NOVA1: variants seen among roughly 807,000 people sequenced by gnomAD.
NOVA1 encodes RNA-binding protein Nova-1.
In NOVA1, 7 loss-of-function variants were observed where a neutral mutation model predicts 38.0. The observed-to-expected ratio is 0.18, with a 90% CI of 0.10 to 0.35. The LOEUF (loss-of-function observed/expected upper bound fraction) is 0.35, where lower values mean the gene tolerates loss of function less well. Ranked by LOEUF, NOVA1 falls within the 10% of genes least tolerant of loss-of-function variation. The probability of loss-of-function intolerance (pLI) is 1.00; values close to 1 mark genes in which losing one functional copy is unlikely to be tolerated. For synonymous variants in NOVA1, 270 were observed against 232.5 expected (o/e 1.16, Z -1.47); for missense variants, 460 against 616.0 (o/e 0.75, Z 2.68).
intron 2 of NOVA1, among the ~76,000 whole-genome samples, chr14:26,535,728 T>A (rs1172663982): frequency 6.6e-6 from 1 of 151,288 alleles, no homozygotes; most frequent in East Asian, 1.9e-4. Context: ...GAGGGCGAGA[T>A]GGGCAGATCA....
intron 4 of NOVA1, 69 bp from the exon 5 acceptor site, chr14:26,449,032 T>G (rs1416284187): frequency 2.9e-6 from 4 of 1,376,438 alleles, no homozygotes; most frequent in African/African-American, 1.4e-5. Context: ...TACTTTGCTA[T>G]CCTAGAAAAG....
intron 2 of NOVA1, among the ~76,000 whole-genome samples, chr14:26,524,860 G>T (rs928196094): frequency 3.9e-5 from 6 of 152,074 alleles, no homozygotes; most frequent in East Asian, 1.9e-4. Context: ...TTTTTTAAAG[G>T]TATCAATATT....
At chr14:26,553,288 C>G (rs1292487323) in intron 2 of NOVA1, among the ~76,000 whole-genome samples, 1 of 152,202 alleles carries the variant, frequency 6.6e-6, no homozygotes, top group East Asian at 1.9e-4. Context: ...GCCAACTCCA[C>G]CTCCATAACT....
intron 2 of NOVA1, among the ~76,000 whole-genome samples, chr14:26,495,872 A>G (rs1363743776): frequency 8.0e-6 from 1 of 124,864 alleles, no homozygotes; most frequent in Non-Finnish European, 1.7e-5. Context: ...TATATGTGCC[A>G]CATTTTCTTA....
chr14:26,467,461 A>G (rs1884237706), intron 4 of NOVA1, among the ~76,000 whole-genome samples: 1 of 152,160 alleles, frequency 6.6e-6, no homozygotes, highest in South Asian at 2.1e-4. Context: ...TAGAGAGTAG[A>G]GATAATACTT....
intron 2 of NOVA1, among the ~76,000 whole-genome samples, chr14:26,586,741 G>A (rs991555950): frequency 1.3e-5 from 2 of 151,074 alleles, no homozygotes; most frequent in Non-Finnish European, 3.0e-5. Flanking sequence ...ATTAAGGAAA[G>A]AGAGAAAATG....
At chr14:26,584,792 C>G (rs1180931172) in intron 2 of NOVA1, among the ~76,000 whole-genome samples, 2 of 151,452 alleles carry the variant, frequency 1.3e-5, no homozygotes, top group Non-Finnish European at 3.0e-5. Flanking sequence ...AATCTAACCC[C>G]TCCTCCCAAG....
intron 2 of NOVA1, among the ~76,000 whole-genome samples, chr14:26,482,156 C>A (rs1025276108): frequency 2.0e-5 from 3 of 152,002 alleles, no homozygotes; most frequent in African/African-American, 7.3e-5. Context: ...ATTACTGAGC[C>A]ATAAAGAATT....
intron 2 of NOVA1, among the ~76,000 whole-genome samples, chr14:26,481,988 T>TAAAAAAAAAAAAA (rs372806170): frequency 3.5e-4 from 37 of 105,942 alleles, no homozygotes; most frequent in African/African-American, 7.6e-4. Context: ...TAGATAGAGA[T>TAAAAAAAAAAAAA]AAAAAAAAAA....
chr14:26,517,383 T>C (rs1176635738), intron 2 of NOVA1, among the ~76,000 whole-genome samples: 3 of 152,170 alleles, frequency 2.0e-5, no homozygotes, highest in Admixed American at 1.3e-4. Flanking sequence ...AAAGCTTCTT[T>C]TCCTCCTGAA....
In NOVA1 at chr14:26,472,265, T is replaced by C. The variant is rs192734675; in HGVS notation, c.519+55A>G. 3.9e-3 allele frequency: 4,053 copies of C among 1,047,926 alleles called. 21 individuals are homozygous for C. Among genetic ancestry groups the C allele is most frequent in the East Asian group, 0.01 (431 of 41,914 alleles). 64.9% of individuals were successfully genotyped at this position (1,047,926 alleles called of 1,614,324 possible). A position where few individuals can be genotyped will look rare whatever the true frequency, so the allele number is the denominator to read the frequency against. On this transcript the variant is annotated intron_variant, in intron 4 of 4. Transcript: ENST00000539517. ...AACCCACCATTATCTTTTTCTCCAGTTTGCAGGCAATCACCCGTGAAAAGT... is the reference window on the plus strand; with the variant it reads ...AACCCACCATTATCTTTTTCTCCAGCTTGCAGGCAATCACCCGTGAAAAGT...
intron 2 of NOVA1, among the ~76,000 whole-genome samples, chr14:26,501,644 G>T (rs1887249623): frequency 6.6e-6 from 1 of 151,736 alleles, no homozygotes; most frequent in African/African-American, 2.4e-5. Flanking sequence ...AAAAAACACA[G>T]GCATTATTGG....
At chr14:26,465,776 G>A (rs1475403400) in intron 4 of NOVA1, among the ~76,000 whole-genome samples, 1 of 152,066 alleles carries the variant, frequency 6.6e-6, no homozygotes, top group Non-Finnish European at 1.5e-5. Flanking sequence ...AATATTTACT[G>A]AGGACCTATT....
At chr14:26,545,298 G>A (rs1890721935) in intron 2 of NOVA1, among the ~76,000 whole-genome samples, 2 of 152,076 alleles carry the variant, frequency 1.3e-5, no homozygotes, top group African/African-American at 4.8e-5. Context: ...ACATCTTAGT[G>A]AAGAAGAAAT....
chr14:26,457,533 T>C (rs1883282782), intron 4 of NOVA1, among the ~76,000 whole-genome samples: 1 of 152,086 alleles, frequency 6.6e-6, no homozygotes, highest in Non-Finnish European at 1.5e-5. Flanking sequence ...CTCATATGTT[T>C]GTGGTGATGC....
At chr14:26,510,803 G>A (rs1189546220) in intron 2 of NOVA1, among the ~76,000 whole-genome samples, 1 of 152,064 alleles carries the variant, frequency 6.6e-6, no homozygotes, top group Non-Finnish European at 1.5e-5. Context: ...CTACCTGTCA[G>A]AGTTATTATA....
intron 2 of NOVA1, among the ~76,000 whole-genome samples, chr14:26,571,148 T>C (rs1469598213): frequency 6.6e-6 from 1 of 151,158 alleles, no homozygotes; most frequent in Non-Finnish European, 1.5e-5. Flanking sequence ...GATTAAAATA[T>C]ATATATATAT....
At chr14:26,571,340 T>C (rs1257729816) in intron 2 of NOVA1, among the ~76,000 whole-genome samples, 2 of 152,124 alleles carry the variant, frequency 1.3e-5, no homozygotes, top group African/African-American at 4.8e-5. Flanking sequence ...ATGATTCCTA[T>C]ATACTGAGAG....
intron 2 of NOVA1, among the ~76,000 whole-genome samples, chr14:26,506,992 T>A (rs1334189247): frequency 1.3e-5 from 2 of 152,218 alleles, no homozygotes; most frequent in African/African-American, 4.8e-5. Context: ...ATTTGAAATT[T>A]CCTGAATTTA....
Sources: gnomAD v4.1 joint callset for allele counts (sites outside exome capture counted in the v4.1 genomes callset) on GRCh38, gnomAD v4.1.1 for gene constraint, MANE v1.5 for transcripts, NCBI Gene and HGNC (gene_info 2026-07-23, HGNC 2026-07-21) for gene names.